Variants in XPC observed in about 807,000 individuals in gnomAD.
XPC encodes the protein DNA repair protein complementing XP-C cells.
Under a neutral mutation model 95.8 loss-of-function variants are expected in XPC, and 76 were observed. That is an observed-to-expected ratio of 0.79 (90% CI 0.66 to 0.96). XPC has a LOEUF of 0.96. XPC is among the 40% of genes least tolerant of loss of function. XPC has a pLI of 0.00. For missense variants in XPC, 1,146 were observed against 1,179.8 expected, an observed-to-expected ratio of 0.97 and a Z score of 0.42; for synonymous variants, 442 against 442.1, an observed-to-expected ratio of 1.00 and a Z score of 0.00.
At chr3:14,148,297 T>G in intron 13 of XPC, 1 of 591,440 alleles carries the variant, frequency 1.7e-6, no homozygotes, top group South Asian at 2.3e-5. Context: ...ATGCTGACTG[T>G]TTTTTGCTCA....
At chr3:14,160,634 G>A (rs1241154412) in intron 7 of XPC, among the ~76,000 whole-genome samples, 1 of 152,214 alleles carries the variant, frequency 6.6e-6, no homozygotes, top group Non-Finnish European at 1.5e-5. Context: ...CCAAAACACT[G>A]TCACACACTG....
In XPC at chr3:14,170,505, C is replaced by T. The variant is rs1470241644; in HGVS notation, c.345G>A (p.Gly115=). ...DLKKAHHLKR[G]ATMNEDSNEE... is the part of the protein sequence containing the mutation. ...CATTGCTGTCTTCATTCATGGTAGC[C>T]CCTCTCTTCAGATGGTGTGCCTTCT... is the stretch of plus-strand genomic sequence containing the variant. Residue 115 remains glycine, a synonymous_variant, in exon 3 of 16, where the codon GGG becomes GGA. Transcript: ENST00000285021. 1 of 1,613,588 alleles carries T rather than the reference C, an allele frequency of 6.2e-7. No individual in the cohort carries two copies. Among genetic ancestry groups the T allele is most frequent in the Non-Finnish European group, 8.5e-7 (1 of 1,179,706 alleles).
chr3:14,167,351 C>T, intron 4 of XPC, 98 bp from the exon 5 acceptor site: 2 of 1,065,486 alleles, frequency 1.9e-6, no homozygotes, highest in Non-Finnish European at 2.7e-6. Flanking sequence ...CAGTGAATCA[C>T]TCTCCCTGTT....
chr3:14,148,961 A>T lies in XPC; in HGVS notation c.2116-13T>A. On this transcript the variant is annotated splice_polypyrimidine_tract_variant and intron_variant, in intron 11 of 15. Transcript: ENST00000285021. ...AGCCTTTCACCATCTGCACCAGAGG[A>T]CACGGCCACCGTTTACAACAAAGGC... The T allele has an allele frequency of 6.2e-7, 1 of 1,613,850 alleles. No homozygotes were observed.
At position 14,158,830 on chromosome 3, in the gene XPC, G is replaced by C. The variant is rs1225205172; in HGVS notation, c.1053C>G (p.Ser351Arg). The change falls in exon 9 of 16, where the codon AGC becomes AGG. Residue 351 changes from serine (S) to arginine (R), a missense_variant. By Grantham distance (110) the Ser-to-Arg change is moderately radical. Coordinates refer to ENST00000285021, the MANE Select transcript of XPC (RefSeq NM_004628.5). The surrounding 1 kb of genome is among the most constrained non-coding windows in gnomAD (Gnocchi z 5.2). ...GTTTGGTGTGGTTTTCTAGAACTTGGCTGGAAGTTTCTGAGGAGCCTCCTG... is the reference window on the plus strand; with the variant it reads ...GTTTGGTGTGGTTTTCTAGAACTTGCCTGGAAGTTTCTGAGGAGCCTCCTG... ...ADPGGSSETS[S>R]QVLENHTKPK... 6.2e-7 allele frequency: 1 copy of C among 1,613,928 alleles called. No individual in the cohort carries two copies. The highest frequency in any genetic ancestry group is 1.1e-5 in the South Asian group (1 of 91,086).
rs980230493 is a variant in XPC at position 14,178,392 on chromosome 3, C to T, written c.103+74G>A. The T allele has an allele frequency of 5.9e-5, 88 of 1,494,194 alleles. 1 individual carries two copies. In the South Asian group the frequency reaches 9.3e-4, roughly 16 times the overall value. The allele number at this position is 1,494,194 out of a possible 1,614,324, so 92.6% of individuals were successfully genotyped here. A position where few individuals can be genotyped will look rare whatever the true frequency, so the allele number is the denominator to read the frequency against. On this transcript the variant is annotated intron_variant, in intron 1 of 15. Coordinates refer to ENST00000285021, the MANE Select transcript of XPC (RefSeq NM_004628.5). ...CCTCCACCAGGCCTCCGCGTCTGGA[C>T]TCCCGCCCTGCCTCTGGGCCTCCTC...
chr3:14,157,658 G>C (rs770777415), intron 9 of XPC, among the ~76,000 whole-genome samples: 3 of 152,090 alleles, frequency 2.0e-5, no homozygotes, highest in Admixed American at 6.5e-5. Context: ...GATGGGGGAG[G>C]GGGGAGAATA....
At chr3:14,147,765 C>T (rs1695499758) in intron 14 of XPC, 143 bp downstream of exon 14, 3 of 724,584 alleles carry the variant, frequency 4.1e-6, no homozygotes, top group African/African-American at 3.5e-5. Flanking sequence ...ATTCAGTGCT[C>T]GCTCCCTCGG....
chr3:14,148,613 C>T lies in XPC; in HGVS notation c.2369G>A (p.Cys790Tyr), dbSNP rs760421156. 1.9e-6 allele frequency: 3 copies of T among 1,614,074 alleles called. No homozygotes were observed. Among genetic ancestry groups the T allele is most frequent in the Admixed American group, 3.3e-5 (2 of 60,034 alleles). ...ATCAAAGCCAGTGATGGCCTGGACA[C>T]AGTCGATGTCCAGCTTGCGGGCCAC... ...HRVARKLDID[C>Y]VQAITGFDFH... The change falls in exon 13 of 16, where the codon TGT becomes TAT. Residue 790 changes from cysteine to tyrosine, a missense_variant. Cys to Tyr is a radical substitution (Grantham distance 194). Coordinates refer to ENST00000285021, the MANE Select transcript of XPC (RefSeq NM_004628.5).
intron 1 of XPC, among the ~76,000 whole-genome samples, chr3:14,175,792 T>C (rs1275416630): frequency 6.6e-6 from 1 of 152,220 alleles, no homozygotes; most frequent in Non-Finnish European, 1.5e-5. Context: ...GCAACTACAC[T>C]GACAGTCACC....
chr3:14,175,680 T>C (rs949525510), intron 1 of XPC, among the ~76,000 whole-genome samples: 29 of 152,362 alleles, frequency 1.9e-4, no homozygotes, highest in African/African-American at 6.0e-4. Flanking sequence ...GGAAATCATG[T>C]GGAAGCCTGT....
At chr3:14,172,333 C>CA (rs1317464178) in intron 2 of XPC, among the ~76,000 whole-genome samples, 2 of 152,052 alleles carry the variant, frequency 1.3e-5, no homozygotes, top group African/African-American at 4.8e-5. Context: ...TACAGGAAGT[C>CA]AGAGGAGAGA....
Position 14,156,223 on chromosome 3 carries a change from G to A in XPC, c.2033+112C>T, listed in dbSNP as rs945050782. On this transcript the variant is annotated intron_variant, in intron 10 of 15. Coordinates refer to ENST00000285021, the MANE Select transcript of XPC (RefSeq NM_004628.5). ...CAGCACACGCACACTGGCTCAGCCC[G>A]AGAATGCTGTCCAGTCAGATGAGCT... The A allele has an allele frequency of 1.1e-4, 157 of 1,371,628 alleles. 1 individual carries two copies. The South Asian group carries it at 1.3e-3, about 11-fold the overall frequency. 85.0% of individuals were successfully genotyped at this position (1,371,628 alleles called of 1,614,324 possible).
chr3:14,177,823 T>C (rs1351311586), intron 1 of XPC, among the ~76,000 whole-genome samples: 2 of 149,682 alleles, frequency 1.3e-5, no homozygotes, highest in African/African-American at 4.9e-5. Context: ...GCTGTGGTCA[T>C]GGAAATGAAG....
At chr3:14,151,841 G>A (rs559625996) in intron 11 of XPC, 130 of 156,230 alleles carry the variant, frequency 8.3e-4, no homozygotes, top group Non-Finnish European at 1.6e-3. Context: ...TACTAACTGT[G>A]GGGACTTGGA....
chr3:14,156,532 T>G (rs1262640260), intron 9 of XPC, 37 bp from the exon 10 acceptor site: 1 of 1,613,152 alleles, frequency 6.2e-7, no homozygotes, highest in Non-Finnish European at 8.5e-7. Context: ...AGCATGTTAT[T>G]TAGAAGAGGA....
chr3:14,165,828 C>G, intron 5 of XPC: 1 of 473,468 alleles, frequency 2.1e-6, no homozygotes, highest in South Asian at 2.8e-5. Context: ...ATACAAATTG[C>G]TTTGTTTTCA....
chr3:14,159,436 T>C (rs1378663109), intron 8 of XPC, among the ~76,000 whole-genome samples: 1 of 152,118 alleles, frequency 6.6e-6, no homozygotes, highest in Admixed American at 6.6e-5. Context: ...AAATCCACAG[T>C]GCTTCACTCA....
chr3:14,158,886 T>G lies in XPC; in HGVS notation c.997A>C (p.Lys333Gln). The change falls in exon 9 of 16, where the codon AAA (lysine) becomes CAA (glutamine). Residue 333 changes from lysine to glutamine, a missense_variant. By Grantham distance (53) the Lys-to-Gln change is moderately conservative (BLOSUM62 1). Coordinates refer to ENST00000285021, the MANE Select transcript of XPC (RefSeq NM_004628.5). The surrounding 1 kb of genome is among the most constrained non-coding windows in gnomAD (Gnocchi z 5.2). ...PLKSATAKGK[K>Q]PSKERLTADP... Reference sequence around the variant, plus strand: ...GCAGTCAATCTTTCCTTGGAAGGTTTCTTTCCCTTAAACAGAATAAGAAAT... The same window carrying G: ...GCAGTCAATCTTTCCTTGGAAGGTTGCTTTCCCTTAAACAGAATAAGAAAT... 6.2e-7 allele frequency: 1 copy of G among 1,613,994 alleles called. No individual in the cohort carries two copies. Among genetic ancestry groups the G allele is most frequent in the Non-Finnish European group, 8.5e-7 (1 of 1,179,896 alleles).
Sources: gnomAD v4.1 joint callset for allele counts (sites outside exome capture counted in the v4.1 genomes callset) on GRCh38, gnomAD v4.1.1 for gene constraint, Gnocchi (gnomAD v3.1) non-coding constraint, MANE v1.5 for transcripts, NCBI Gene and HGNC (gene_info 2026-07-23, HGNC 2026-07-21) for gene names.